Variants in C11orf65 observed in about 807,000 individuals in gnomAD.
C11orf65 encodes the protein protein MFI.
C11orf65 carries 38 observed loss-of-function variants against 35.3 expected under a neutral mutation model. That is an observed-to-expected ratio of 1.08 (90% CI 0.83 to 1.41). The LOEUF (loss-of-function observed/expected upper bound fraction) is 1.41, where lower values mean the gene tolerates loss of function less well. Ranked by LOEUF, C11orf65 falls within the 40% of genes most tolerant of loss-of-function variation. The pLI is 0.00. For missense variants in C11orf65, 370 were observed against 367.1 expected (o/e 1.01, Z -0.06); for synonymous variants, 105 against 114.4 (o/e 0.92, Z 0.53).
At chr11:108,456,403 GC>G (rs1366106022) in intron 2 of C11orf65, among the ~76,000 whole-genome samples, 1 of 152,072 alleles carries the variant, frequency 6.6e-6, no homozygotes, top group Non-Finnish European at 1.5e-5. Flanking sequence ...AAGCAATTAA[GC>G]CTCTAGAACA....
intron 3 of C11orf65, among the ~76,000 whole-genome samples, chr11:108,410,841 T>C (rs1237062776): frequency 4.0e-5 from 6 of 151,648 alleles, no homozygotes; most frequent in Non-Finnish European, 7.4e-5. Flanking sequence ...CCTGAGTAGG[T>C]GGGATTACAG....
At chr11:108,371,992 T>C (rs1247695225) in intron 2 of C11orf65, among the ~76,000 whole-genome samples, 2 of 152,214 alleles carry the variant, frequency 1.3e-5, no homozygotes, top group African/African-American at 4.8e-5. Flanking sequence ...ATAAATGGTA[T>C]TCTAAGTTTT....
At chr11:108,433,880 G>A (rs956747456) in intron 2 of C11orf65, among the ~76,000 whole-genome samples, 9 of 152,196 alleles carry the variant, frequency 5.9e-5, no homozygotes, top group East Asian at 3.9e-4. Context: ...ATTGTGCCTG[G>A]AAGAAAAGAT....
intron 2 of C11orf65, among the ~76,000 whole-genome samples, chr11:108,451,994 A>G (rs963240223): frequency 5.3e-5 from 8 of 152,112 alleles, no homozygotes; most frequent in Non-Finnish European, 1.2e-4. Context: ...ACACCTTATA[A>G]AAAATTAATT....
chr11:108,417,261 G>C (rs1394219114), intron 3 of C11orf65, among the ~76,000 whole-genome samples: 2 of 152,132 alleles, frequency 1.3e-5, no homozygotes, highest in African/African-American at 2.4e-5. Flanking sequence ...CCTGCTGCCA[G>C]GTCAGGTGCG....
At chr11:108,436,655 A>G (rs1266430091) in intron 2 of C11orf65, among the ~76,000 whole-genome samples, 1 of 152,202 alleles carries the variant, frequency 6.6e-6, no homozygotes, top group Non-Finnish European at 1.5e-5. Flanking sequence ...AAAGAAAATG[A>G]CATATAGACA....
intron 2 of C11orf65, among the ~76,000 whole-genome samples, chr11:108,373,989 G>A (rs1234030266): frequency 1.3e-5 from 2 of 152,226 alleles, no homozygotes; most frequent in Non-Finnish European, 2.9e-5. Flanking sequence ...ACCCGCCATT[G>A]CCCAGGCTCG....
In C11orf65 at chr11:108,383,087, G is replaced by T. The variant is rs148030903; in HGVS notation, c.876C>A (p.Tyr292Ter). 6.6e-5 allele frequency: 107 copies of T among 1,611,266 alleles called. No homozygotes were observed. The highest frequency in any genetic ancestry group is 8.7e-5 in the Non-Finnish European group (102 of 1,178,466). The part of the protein sequence containing the change: ...KMQMGIPDDT[Y>*]YENVYQEPNV... ...TTGGTTCTTGATAAACATTTTCATA[G>T]TAAGTATCATCTGGTATTCCCATTT... Residue 292 changes from tyrosine (Y) to a stop codon, truncating the protein, a stop_gained, in exon 9 of 9, where the codon TAC (tyrosine) becomes TAA (stop). Coordinates refer to ENST00000393084, the MANE Select transcript of C11orf65 (RefSeq NM_152587.5). LOFTEE classifies it low-confidence loss of function (END_TRUNC).
At chr11:108,392,107 G>T (rs1447443082) in intron 7 of C11orf65, among the ~76,000 whole-genome samples, 1 of 151,948 alleles carries the variant, frequency 6.6e-6, no homozygotes, top group Non-Finnish European at 1.5e-5. Flanking sequence ...GAGTACAGTG[G>T]TGTGATCATG....
At chr11:108,359,122 CAA>C (rs1401553049) in intron 2 of C11orf65, among the ~76,000 whole-genome samples, 2 of 148,122 alleles carry the variant, frequency 1.4e-5, no homozygotes, top group African/African-American at 5.0e-5. Context: ...AAATGGAAAA[CAA>C]AAAAAGGCAG....
chr11:108,321,846 A>G (rs1007829762), intron 6 of C11orf65, among the ~76,000 whole-genome samples: 1 of 152,106 alleles, frequency 6.6e-6, no homozygotes, highest in Non-Finnish European at 1.5e-5. Context: ...TTATCAAGAT[A>G]TAAGTTGATT....
At chr11:108,346,657 A>G (rs17412803) in intron 2 of C11orf65, 3,790 of 154,160 alleles carry the variant, frequency 0.025, 58 homozygotes, top group Non-Finnish European at 0.038. Context: ...TATAAACAAG[A>G]AAGTAGGCCT....
intron 2 of C11orf65, among the ~76,000 whole-genome samples, chr11:108,445,148 T>A (rs2093232406): frequency 6.6e-6 from 1 of 152,200 alleles, no homozygotes; most frequent in African/African-American, 2.4e-5. Flanking sequence ...CAAGGAGGCC[T>A]GCCTGCCTCT....
Position 108,356,842 on chromosome 11 carries a change from C to G in C11orf65, c.227-21550G>C, listed in dbSNP as rs2283264. On this transcript the variant is annotated intron_variant, in intron 2 of 3. Coordinates refer to the C11orf65 transcript ENST00000524755. ...GCCAGATCCTTTGCCATTGTAAGGA[C>G]TTTGGATTTCCTTTGAGTGAGGGTT... 7.4e-3 allele frequency among the ~76,000 whole-genome samples: 1,126 copies of G among 152,246 alleles called. 28 individuals are homozygous for G. The highest frequency in any genetic ancestry group is 0.056 in the Admixed American group (854 of 15,292).
intron 3 of C11orf65, among the ~76,000 whole-genome samples, chr11:108,416,765 A>C (rs2092738692): frequency 6.6e-6 from 1 of 152,234 alleles, no homozygotes; most frequent in South Asian, 2.1e-4. Flanking sequence ...ACTAGATGCT[A>C]GCAAGGATGT....
Position 108,321,421 on chromosome 11 carries a change from G to A in C11orf65, c.641-12350C>T, listed in dbSNP as rs587779856. 2 of 1,614,046 alleles carry A rather than the reference G, an allele frequency of 1.2e-6. No individual in the cohort carries two copies. The highest frequency in any genetic ancestry group is 1.7e-6 in the Non-Finnish European group (2 of 1,179,962). On this transcript the variant is annotated intron_variant, in intron 6 of 6. Transcript: ENST00000525729. ...AAAGCATTGGGGAGCTTTTCTCAAG[G>A]TATGTAATTCGTATGACTTTGTTAT...
intron 2 of C11orf65, among the ~76,000 whole-genome samples, chr11:108,452,198 T>C (rs532149636): frequency 6.6e-6 from 1 of 152,012 alleles, no homozygotes; most frequent in Non-Finnish European, 1.5e-5. Context: ...CAAAAGAAAC[T>C]ACCATCAGAG....
chr11:108,352,000 A>G (rs1407969471), intron 2 of C11orf65, among the ~76,000 whole-genome samples: 1 of 152,156 alleles, frequency 6.6e-6, no homozygotes, highest in Non-Finnish European at 1.5e-5. Flanking sequence ...TGGGGAATCT[A>G]GTCTTCTGCC....
chr11:108,373,770 G>C (rs986831573), intron 2 of C11orf65, among the ~76,000 whole-genome samples: 6 of 152,220 alleles, frequency 3.9e-5, no homozygotes, highest in African/African-American at 9.6e-5. Context: ...CCCTTTCCTG[G>C]TCAAGGAAAG....
Sources: gnomAD v4.1 joint callset for allele counts (sites outside exome capture counted in the v4.1 genomes callset) on GRCh38, gnomAD v4.1.1 for gene constraint, MANE v1.5 for transcripts, NCBI Gene and HGNC (gene_info 2026-07-23, HGNC 2026-07-21) for gene names.